NAV2: variants seen among roughly 807,000 people sequenced by gnomAD.
The protein encoded by NAV2 is neuron navigator 2.
NAV2 carries 54 observed loss-of-function variants against 223.2 expected under a neutral mutation model. The ratio of observed to expected loss-of-function variants is 0.24; its 90% CI spans 0.19 to 0.30. The LOEUF is 0.30. Among genes scored for constraint, NAV2 ranks in the 10% least tolerant of loss-of-function variants. The pLI, the probability that NAV2 is intolerant of heterozygous loss-of-function variation, is 1.00. For synonymous variants in NAV2, 1,279 were observed against 1,239.3 expected, an observed-to-expected ratio of 1.03 and a Z score of -0.67; for missense variants, 2,806 against 3,147.5, an observed-to-expected ratio of 0.89 and a Z score of 2.60.
chr11:19,459,439 G>A (rs549233040), intron 1 of NAV2, among the ~76,000 whole-genome samples: 1 of 152,288 alleles, frequency 6.6e-6, no homozygotes, highest in East Asian at 1.9e-4. Context: ...CTTCACTCAG[G>A]TGATTTCCTT....
chr11:19,408,822 G>GGA (rs113407756), intron 1 of NAV2, among the ~76,000 whole-genome samples: 2 of 151,380 alleles, frequency 1.3e-5, no homozygotes, highest in Non-Finnish European at 3.0e-5. Flanking sequence ...TTTCTGGCGG[G>GGA]GTGGGGGGAT....
In NAV2 at chr11:20,077,488, A is replaced by G. The variant is rs771095994; in HGVS notation, c.4984-64A>G. ...CACAGGATTTTCATCTTTAAGAGCC[A>G]GACACCTTCTAAGCACTCTTGCCTT... On this transcript the variant is annotated intron_variant, in intron 22 of 37. Coordinates refer to ENST00000349880, the MANE Select transcript of NAV2 (RefSeq NM_145117.5). 6.5e-5 allele frequency: 84 copies of G among 1,297,064 alleles called. 1 individual carries two copies. Among genetic ancestry groups the G allele is most frequent in the Middle Eastern group, 1.8e-4 (1 of 5,458 alleles). The allele number at this position is 1,297,064 out of a possible 1,614,324, so 80.3% of individuals were successfully genotyped here.
chr11:20,018,510 A>G (rs1286342688), intron 11 of NAV2, among the ~76,000 whole-genome samples: 1 of 151,874 alleles, frequency 6.6e-6, no homozygotes, highest in Non-Finnish European at 1.5e-5. Flanking sequence ...TCTTATGGAG[A>G]GACGGGCCCC....
At chr11:20,069,687 G>A (rs555887139) in intron 22 of NAV2, among the ~76,000 whole-genome samples, 27 of 152,280 alleles carry the variant, frequency 1.8e-4, no homozygotes, top group African/African-American at 5.3e-4. Flanking sequence ...GCCTGAGCCC[G>A]TTGATAAACG....
chr11:20,023,515 AT>A (rs2054706525), intron 11 of NAV2, among the ~76,000 whole-genome samples: 1 of 152,092 alleles, frequency 6.6e-6, no homozygotes, highest in Non-Finnish European at 1.5e-5. Context: ...TTAAGTCGTT[AT>A]TCCGGACTTT....
At chr11:19,787,960 A>G (rs1453531821) in intron 1 of NAV2, among the ~76,000 whole-genome samples, 2 of 152,190 alleles carry the variant, frequency 1.3e-5, no homozygotes, top group South Asian at 2.1e-4. Flanking sequence ...CCTCTCCAAA[A>G]GAACCTGGAT....
chr11:19,707,637 A>G (rs963297313), intron 1 of NAV2, among the ~76,000 whole-genome samples: 1 of 152,250 alleles, frequency 6.6e-6, no homozygotes, highest in African/African-American at 2.4e-5. Context: ...AAGTAGAAAG[A>G]GTACAGTCTA....
chr11:20,057,454 G>C (rs767845285), intron 19 of NAV2, among the ~76,000 whole-genome samples: 1 of 152,132 alleles, frequency 6.6e-6, no homozygotes. Context: ...ATTAAGGAGG[G>C]GAGAAGCCTG....
chr11:19,670,198 C>T (rs2048540803), intron 1 of NAV2, among the ~76,000 whole-genome samples: 2 of 152,212 alleles, frequency 1.3e-5, no homozygotes, highest in Non-Finnish European at 2.9e-5. Flanking sequence ...CCACTCACAG[C>T]AGTGACTCCC....
At chr11:19,724,661 T>A (rs1304796541) in intron 1 of NAV2, among the ~76,000 whole-genome samples, 1 of 152,240 alleles carries the variant, frequency 6.6e-6, no homozygotes, top group Non-Finnish European at 1.5e-5. Context: ...TTACATACAT[T>A]ATCCCCTTTA....
chr11:19,928,300 T>C (rs2044978934), intron 6 of NAV2, among the ~76,000 whole-genome samples: 1 of 152,220 alleles, frequency 6.6e-6, no homozygotes, highest in African/African-American at 2.4e-5. Flanking sequence ...CTAGTTATCA[T>C]TTTCCAATAT....
At chr11:19,746,199 T>C (rs2053324012) in intron 1 of NAV2, among the ~76,000 whole-genome samples, 1 of 152,168 alleles carries the variant, frequency 6.6e-6, no homozygotes. Context: ...TCTCATGATA[T>C]ATCTTTGTCC....
chr11:19,493,036 A>T (rs1464955400), intron 1 of NAV2, among the ~76,000 whole-genome samples: 1 of 152,174 alleles, frequency 6.6e-6, no homozygotes, highest in African/African-American at 2.4e-5. Flanking sequence ...AAGTAGGCTG[A>T]TAATAATCGT....
At chr11:20,060,089 G>A (rs748810298) in intron 19 of NAV2, among the ~76,000 whole-genome samples, 1 of 152,238 alleles carries the variant, frequency 6.6e-6, no homozygotes, top group African/African-American at 2.4e-5. Context: ...CCTGCCAGAT[G>A]TGCTCTTCTC....
chr11:19,846,606 T>C (rs894554), intron 3 of NAV2, among the ~76,000 whole-genome samples: 30,451 of 152,172 alleles, frequency 0.2, 4,655 homozygotes, highest in African/African-American at 0.43. Context: ...CTAATACGCA[T>C]CTACACAGTG....
intron 1 of NAV2, among the ~76,000 whole-genome samples, chr11:19,462,006 A>G (rs1402684396): frequency 6.6e-6 from 1 of 152,124 alleles, no homozygotes; most frequent in Non-Finnish European, 1.5e-5. Context: ...ACGCAGTTTC[A>G]CCATGTTGGC....
intron 8 of NAV2, among the ~76,000 whole-genome samples, chr11:19,941,017 C>A (rs961846822): frequency 6.6e-6 from 1 of 152,124 alleles, no homozygotes; most frequent in African/African-American, 2.4e-5. Context: ...ATCAAAAGAG[C>A]GAGGCCAACG....
At chr11:19,568,497 G>A (rs1032388220) in intron 1 of NAV2, among the ~76,000 whole-genome samples, 3 of 152,188 alleles carry the variant, frequency 2.0e-5, no homozygotes, top group African/African-American at 7.2e-5. Flanking sequence ...TGTCCAAGCT[G>A]TACAGATGGA....
intron 11 of NAV2, among the ~76,000 whole-genome samples, chr11:20,004,258 A>G (rs1287864151): frequency 6.6e-6 from 1 of 152,234 alleles, no homozygotes; most frequent in Non-Finnish European, 1.5e-5. Flanking sequence ...TTGTGATGCC[A>G]AAAGGTGGTA....
Sources: gnomAD v4.1 joint callset for allele counts (sites outside exome capture counted in the v4.1 genomes callset) on GRCh38, gnomAD v4.1.1 for gene constraint, MANE v1.5 for transcripts, NCBI Gene and HGNC (gene_info 2026-07-23, HGNC 2026-07-21) for gene names.